Variants in DPP6 observed in about 807,000 individuals in gnomAD.
DPP6 encodes A-type potassium channel modulatory protein DPP6.
A neutral mutation model predicts 122.6 loss-of-function variants in DPP6; 69 were observed. The ratio of observed to expected loss-of-function variants is 0.56; its 90% CI spans 0.46 to 0.69. DPP6 has a LOEUF of 0.69. DPP6 is among the 30% of genes least tolerant of loss of function. The pLI, the probability that DPP6 is intolerant of heterozygous loss-of-function variation, is 0.00. For synonymous variants in DPP6, 418 were observed against 433.1 expected (o/e 0.97, Z 0.43); for missense variants, 928 against 1,116.9 (o/e 0.83, Z 2.41).
chr7:154,307,243 G>A (rs182890321), intron 1 of DPP6, among the ~76,000 whole-genome samples: 33 of 152,284 alleles, frequency 2.2e-4, no homozygotes, highest in Middle Eastern at 3.4e-3. Context: ...GTGGGTTTTG[G>A]AGGACCTATG....
At chr7:154,645,953 G>A (rs896253649) in intron 6 of DPP6, among the ~76,000 whole-genome samples, 2 of 147,200 alleles carry the variant, frequency 1.4e-5, no homozygotes, top group Non-Finnish European at 3.0e-5. Context: ...GCGTGAACCC[G>A]GGAGGTGGAG....
Position 154,717,948 on chromosome 7 carries a change from C to T in DPP6, c.763-9819C>T, listed in dbSNP as rs572351402. Among the ~76,000 whole-genome samples the T allele has an allele frequency of 1.6e-4, 25 of 152,284 alleles. No homozygotes were observed. In the East Asian group the frequency reaches 3.1e-3, roughly 19 times the overall value. On this transcript the variant is annotated intron_variant, in intron 7 of 25. Transcript: ENST00000377770. ...GTCTTTCTGATAACAGCCATTCTAA[C>T]GGGGGTGAGATGGTATGTCATTGTT...
At chr7:153,815,883 ATTAAT>A in the DPP6 span, among the ~76,000 whole-genome samples, 1 of 152,334 alleles carries the variant, frequency 6.6e-6, no homozygotes, top group South Asian at 2.1e-4. Context: ...ACAGAAATAA[ATTAAT>A]ATAAATTAAG....
intron 4 of DPP6, among the ~76,000 whole-genome samples, chr7:154,551,292 GA>G (rs1224092894): frequency 2.0e-5 from 3 of 152,126 alleles, no homozygotes; most frequent in African/African-American, 7.2e-5. Context: ...TGCAGGTGGG[GA>G]AAAATTTTTA....
intron 1 of DPP6, among the ~76,000 whole-genome samples, chr7:153,997,963 C>T (rs1196181880): frequency 6.6e-6 from 1 of 151,556 alleles, no homozygotes; most frequent in African/African-American, 2.4e-5. Flanking sequence ...GAAGGTCGCC[C>T]TGTTGAAGGG....
chr7:153,869,757 A>T, the DPP6 span, among the ~76,000 whole-genome samples: 1 of 152,132 alleles, frequency 6.6e-6, no homozygotes, highest in Non-Finnish European at 1.5e-5. Context: ...GATGGTCTTT[A>T]CAATTTGGCA....
intron 6 of DPP6, among the ~76,000 whole-genome samples, chr7:154,668,220 A>T (rs538504996): frequency 0.022 from 550 of 24,612 alleles, 4 homozygotes; most frequent in Non-Finnish European, 0.029. Flanking sequence ...TATATATATA[A>T]TATACACATT....
At chr7:154,218,341 G>A (rs916746421) in intron 1 of DPP6, among the ~76,000 whole-genome samples, 1 of 152,204 alleles carries the variant, frequency 6.6e-6, no homozygotes, top group East Asian at 1.9e-4. Context: ...CTTCAAAGAT[G>A]TGAAGGGGCA....
intron 2 of DPP6, among the ~76,000 whole-genome samples, chr7:154,463,209 T>C (rs1309705734): frequency 1.1e-5 from 1 of 93,372 alleles, no homozygotes; most frequent in African/African-American, 3.9e-5. Context: ...TTTTTTTTTT[T>C]TTTTTTTTTT....
At chr7:154,771,339 C>T (rs908537473) in intron 9 of DPP6, among the ~76,000 whole-genome samples, 70 of 152,204 alleles carry the variant, frequency 4.6e-4, no homozygotes, top group Admixed American at 2.6e-4. Context: ...ATTAGGGTTC[C>T]GGCTGATTTG....
chr7:154,187,638 G>C (rs1041010505), intron 1 of DPP6, among the ~76,000 whole-genome samples: 1 of 152,122 alleles, frequency 6.6e-6, no homozygotes, highest in Non-Finnish European at 1.5e-5. Flanking sequence ...AATCACGAAG[G>C]GCAGTGTGAT....
intron 20 of DPP6, among the ~76,000 whole-genome samples, chr7:154,879,610 A>C (rs1013323206): frequency 1.4e-5 from 2 of 146,618 alleles, no homozygotes; most frequent in African/African-American, 2.5e-5. Flanking sequence ...AAAAAAAAAA[A>C]CACAAAAATC....
chr7:154,216,464 T>C (rs4236457), intron 1 of DPP6, among the ~76,000 whole-genome samples: 131,819 of 152,076 alleles, frequency 0.87, 57,366 homozygotes, highest in African/African-American at 0.93. Flanking sequence ...ATAGAGCTCA[T>C]GCTTGGTCCA....
chr7:153,753,910 C>A, the DPP6 span, among the ~76,000 whole-genome samples: 1 of 152,118 alleles, frequency 6.6e-6, no homozygotes, highest in Non-Finnish European at 1.5e-5. Context: ...TGAGGAACAT[C>A]GTATTCTACC....
At chr7:154,360,526 G>A (rs1358431811) in intron 1 of DPP6, among the ~76,000 whole-genome samples, 1 of 152,352 alleles carries the variant, frequency 6.6e-6, no homozygotes. Context: ...ATAGGGTTGT[G>A]AATGCGTGTG....
At chr7:154,792,919 C>G (rs568098000) in intron 10 of DPP6, among the ~76,000 whole-genome samples, 1 of 152,188 alleles carries the variant, frequency 6.6e-6, no homozygotes, top group African/African-American at 2.4e-5. Flanking sequence ...CTGCTTGCCG[C>G]TGTTCCTTCT....
chr7:154,358,334 G>A (rs1396385737), intron 1 of DPP6, among the ~76,000 whole-genome samples: 3 of 152,166 alleles, frequency 2.0e-5, no homozygotes, highest in African/African-American at 7.2e-5. Context: ...CAGTCTTTAG[G>A]ACTTGATCAC....
chr7:154,178,591 C>T (rs772092154), intron 1 of DPP6, among the ~76,000 whole-genome samples: 12 of 151,930 alleles, frequency 7.9e-5, no homozygotes, highest in Non-Finnish European at 1.5e-4. Context: ...AGTAAAAACA[C>T]GTTCCATTGA....
intron 1 of DPP6, among the ~76,000 whole-genome samples, chr7:154,222,479 A>C (rs1418892639): frequency 6.9e-6 from 1 of 144,668 alleles, no homozygotes; most frequent in Non-Finnish European, 1.5e-5. Flanking sequence ...AACATGGAGA[A>C]ACCCCATCTC....
Sources: gnomAD v4.1 joint callset for allele counts (sites outside exome capture counted in the v4.1 genomes callset) on GRCh38, gnomAD v4.1.1 for gene constraint, MANE v1.5 for transcripts, NCBI Gene and HGNC (gene_info 2026-07-23, HGNC 2026-07-21) for gene names.